Variants in ATP9B observed in about 807,000 individuals in gnomAD.
ATP9B encodes probable phospholipid-transporting ATPase IIB.
A neutral mutation model predicts 146.1 loss-of-function variants in ATP9B; 110 were observed. The ratio of observed to expected loss-of-function variants is 0.75; its 90% confidence interval spans 0.65 to 0.88. The LOEUF (loss-of-function observed/expected upper bound fraction) is 0.88. Ranked by LOEUF, ATP9B falls within the 40% of genes least tolerant of loss-of-function variation. The pLI, the probability that ATP9B is intolerant of heterozygous loss-of-function variation, is 0.00. For synonymous variants in ATP9B, 604 were observed against 569.7 expected (o/e 1.06, Z -0.86); for missense variants, 1,499 against 1,496.4 (o/e 1.00, Z -0.03).
intron 12 of ATP9B, among the ~76,000 whole-genome samples, chr18:79,256,257 C>A (rs868016286): frequency 1.1e-4 from 11 of 100,372 alleles, no homozygotes; most frequent in South Asian, 6.1e-4. Flanking sequence ...TTCTAGCTAG[C>A]TATATATATA....
intron 2 of ATP9B, among the ~76,000 whole-genome samples, chr18:79,108,110 A>G (rs1413426757): frequency 6.6e-6 from 1 of 152,174 alleles, no homozygotes; most frequent in East Asian, 1.9e-4. Flanking sequence ...AGGAGTGCCC[A>G]TGAGCCCCTG....
intron 14 of ATP9B, among the ~76,000 whole-genome samples, chr18:79,305,001 C>T (rs2096612845): frequency 6.6e-6 from 1 of 152,102 alleles, no homozygotes; most frequent in Admixed American, 6.6e-5. Flanking sequence ...CAGTTCCCAG[C>T]GCTGCACGGC....
chr18:79,310,919 G>A (rs926560368), intron 15 of ATP9B, among the ~76,000 whole-genome samples: 8 of 152,094 alleles, frequency 5.3e-5, no homozygotes, highest in African/African-American at 1.9e-4. Flanking sequence ...GGGAGGCTAA[G>A]CTGAGCGGAT....
intron 6 of ATP9B, among the ~76,000 whole-genome samples, chr18:79,149,725 A>AAT (rs1555708853): frequency 3.3e-5 from 5 of 151,562 alleles, no homozygotes; most frequent in Admixed American, 6.6e-5. Context: ...AAAAAAAAAA[A>AAT]TTTGAAATTA....
chr18:79,254,122 A>T (rs1226540536), intron 12 of ATP9B: 2 of 152,236 alleles, frequency 1.3e-5, no homozygotes, highest in African/African-American at 2.4e-5. Context: ...ATATTTTAAG[A>T]AAGATATTCT....
chr18:79,281,287 A>G (rs2096373711), intron 13 of ATP9B, among the ~76,000 whole-genome samples: 1 of 151,972 alleles, frequency 6.6e-6, no homozygotes, highest in Admixed American at 6.5e-5. Context: ...ACCTAAGGTC[A>G]GGAGTTCGAG....
At chr18:79,129,967 C>T (rs917004531) in intron 5 of ATP9B, among the ~76,000 whole-genome samples, 11 of 152,168 alleles carry the variant, frequency 7.2e-5, no homozygotes, top group African/African-American at 2.7e-4. Flanking sequence ...GTCTCAAACT[C>T]CTGACCTCAG....
intron 1 of ATP9B, among the ~76,000 whole-genome samples, chr18:79,088,009 G>A (rs1207348393): frequency 2.6e-5 from 4 of 151,966 alleles, no homozygotes; most frequent in Non-Finnish European, 4.4e-5. Flanking sequence ...AAGATTCTGC[G>A]CTTTTCCTGT....
At chr18:79,159,032 G>A (rs965807743) in intron 7 of ATP9B, among the ~76,000 whole-genome samples, 7 of 152,176 alleles carry the variant, frequency 4.6e-5, no homozygotes, top group Admixed American at 2.0e-4. Flanking sequence ...TTGCTTGGCA[G>A]ATTGGCCCTT....
rs558575563 is a variant in ATP9B at position 79,184,619 on chromosome 18, A to G, written c.873+7712A>G. Among the ~76,000 whole-genome samples the G allele has an allele frequency of 1.6e-4, 25 of 152,172 alleles. 1 individual carries two copies. In the South Asian group the frequency reaches 4.6e-3, roughly 28 times the overall value. Reference sequence around the variant, plus strand: ...TATCATAGAGACATTCTTGCAGCCTATTGACTTTCTAATGTAATTGGAACT... The same window carrying G: ...TATCATAGAGACATTCTTGCAGCCTGTTGACTTTCTAATGTAATTGGAACT... On this transcript the variant is annotated intron_variant, in intron 8 of 29. Transcript: ENST00000426216.
chr18:79,182,460 C>T (rs1161432114), intron 8 of ATP9B, among the ~76,000 whole-genome samples: 1 of 152,188 alleles, frequency 6.6e-6, no homozygotes, highest in Non-Finnish European at 1.5e-5. Flanking sequence ...TCTCAGTCTC[C>T]TAAATTCAGA....
Position 79,069,446 on chromosome 18 carries a change from C to A in ATP9B, c.36C>A (p.Ser12Arg). 6.6e-7 allele frequency: 1 copy of A among 1,516,734 alleles called. No homozygotes were observed. 94.0% of individuals were successfully genotyped at this position (1,516,734 alleles called of 1,614,324 possible). A position where few individuals can be genotyped will look rare whatever the true frequency, so the allele number is the denominator to read the frequency against. The change falls in exon 1 of 30, where the codon AGC becomes AGA. Residue 12 changes from serine to arginine, a missense_variant. By Grantham distance (110) the Ser-to-Arg change is moderately radical. Transcript: ENST00000426216. ...ADQIPLYPVR[S>R]AAAAAANRKR... The stretch of plus-strand genomic sequence containing the variant: ...AGATCCCGCTTTACCCGGTGCGTAG[C>A]GCAGCGGCGGCCGCAGCCAACCGCA...
At chr18:79,101,957 T>G (rs975535316) in intron 2 of ATP9B, among the ~76,000 whole-genome samples, 3 of 152,164 alleles carry the variant, frequency 2.0e-5, no homozygotes, top group African/African-American at 7.2e-5. Flanking sequence ...TTTTTTTTCT[T>G]TTTTTTGAGA....
chr18:79,109,835 G>T (rs184951356), intron 2 of ATP9B, among the ~76,000 whole-genome samples: 1 of 152,170 alleles, frequency 6.6e-6, no homozygotes, highest in African/African-American at 2.4e-5. Flanking sequence ...CAAAGTGCTG[G>T]GATTACCGAT....
chr18:79,339,394 A>G (rs568125503), intron 19 of ATP9B, among the ~76,000 whole-genome samples: 33 of 148,410 alleles, frequency 2.2e-4, no homozygotes, highest in African/African-American at 8.3e-4. Context: ...GGAAGTGTGC[A>G]TGATTGCAGT....
At chr18:79,229,624 G>A (rs1017115580) in intron 11 of ATP9B, among the ~76,000 whole-genome samples, 5 of 152,182 alleles carry the variant, frequency 3.3e-5, no homozygotes, top group African/African-American at 1.2e-4. Flanking sequence ...AGAGGCGCAG[G>A]CGCTCTGCTG....
At position 79,256,257 on chromosome 18, in the gene ATP9B, C is replaced by CTATATATATATATA. The variant is rs10531617; in HGVS notation, c.1268+2733_1268+2746dup. 6.6e-3 allele frequency among the ~76,000 whole-genome samples: 663 copies of CTATATATATATATA among 100,134 alleles called. 6 individuals carry two copies. The highest frequency in any genetic ancestry group is 8.3e-3 in the South Asian group (27 of 3,258). 65.7% of individuals were successfully genotyped at this position (100,134 alleles called of 152,430 possible). A position where few individuals can be genotyped will look rare whatever the true frequency, so the allele number is the denominator to read the frequency against. ...ATGCCATTTTGTGAATTCTAGCTAGCTATATATATATATATATATATATAT... is the reference window on the plus strand; with the variant it reads ...ATGCCATTTTGTGAATTCTAGCTAGCTATATATATATATATATATATATATATATATATATATAT... On this transcript the variant is annotated intron_variant, in intron 12 of 29. Coordinates refer to ENST00000426216, the MANE Select transcript of ATP9B (RefSeq NM_198531.5).
chr18:79,337,197 A>G, intron 18 of ATP9B, 82 bp from the exon 19 acceptor site: 1 of 1,558,004 alleles, frequency 6.4e-7, no homozygotes, highest in East Asian at 2.3e-5. Context: ...CTCTGTCCCC[A>G]CAGCCCATGC....
chr18:79,083,389 T>C (rs1372922077), intron 1 of ATP9B, among the ~76,000 whole-genome samples: 1 of 152,190 alleles, frequency 6.6e-6, no homozygotes, highest in Non-Finnish European at 1.5e-5. Flanking sequence ...CTCCCTGGCT[T>C]CAGCCCCCTT....
Sources: allele counts gnomAD v4.1 joint callset (sites outside exome capture counted in the v4.1 genomes callset), GRCh38; gene constraint gnomAD v4.1.1; transcripts MANE v1.5; gene names NCBI Gene and HGNC (gene_info 2026-07-23, HGNC 2026-07-21).